Variants in SLC5A4 observed in about 807,000 individuals in gnomAD.
The protein encoded by SLC5A4 is solute carrier family 5 member 4.
In SLC5A4, 55 loss-of-function variants were observed where a neutral mutation model predicts 70.3. The observed-to-expected ratio is 0.78, with a 90% CI of 0.63 to 0.98. SLC5A4 has a LOEUF of 0.98. Ranked by LOEUF, SLC5A4 falls within the 50% of genes least tolerant of loss-of-function variation. SLC5A4 has a pLI of 0.00. For synonymous variants in SLC5A4, 268 were observed against 305.7 expected, an observed-to-expected ratio of 0.88 and a Z score of 1.29; for missense variants, 735 against 839.2, an observed-to-expected ratio of 0.88 and a Z score of 1.53.
intron 13 of SLC5A4, among the ~76,000 whole-genome samples, chr22:32,221,743 T>G (rs79830398): frequency 0.014 from 2,108 of 152,236 alleles, 40 homozygotes; most frequent in African/African-American, 0.044. Context: ...AATGTTTTTT[T>G]TTTGTTTGTT....
chr22:32,248,869 T>A (rs1416615474), intron 3 of SLC5A4, 67 bp from the exon 4 acceptor site: 1 of 1,041,618 alleles, frequency 9.6e-7, no homozygotes, highest in African/African-American at 1.6e-5. Context: ...CTTCTCCTTC[T>A]ATGACCTCTG....
the SLC5A4 span, among the ~76,000 whole-genome samples, chr22:32,344,449 A>G: frequency 1.1e-4 from 16 of 152,286 alleles, no homozygotes; most frequent in Non-Finnish European, 5.9e-5. Context: ...AGATGCAGGA[A>G]AGTATATGTT....
At chr22:32,308,313 C>T in the SLC5A4 span, among the ~76,000 whole-genome samples, 3 of 57,430 alleles carry the variant, frequency 5.2e-5, no homozygotes, top group Non-Finnish European at 8.7e-5. Context: ...AACCCCATGT[C>T]CTTGAATGGC....
chr22:32,349,655 A>G, the SLC5A4 span, among the ~76,000 whole-genome samples: 1 of 152,248 alleles, frequency 6.6e-6, no homozygotes, highest in African/African-American at 2.4e-5. Context: ...AAAAGGCATT[A>G]GAGCTTCTAT....
At chr22:32,334,531 T>C in the SLC5A4 span, among the ~76,000 whole-genome samples, 14 of 152,318 alleles carry the variant, frequency 9.2e-5, no homozygotes, top group South Asian at 1.0e-3. Context: ...TTCCTGCTGG[T>C]TGGCTGCTGT....
rs536448171 is a variant in SLC5A4 at position 32,246,745 on chromosome 22, C to T, written c.477+666G>A. Among the ~76,000 whole-genome samples the T allele has an allele frequency of 5.9e-5, 9 of 152,238 alleles. No homozygotes were observed. In the East Asian group the frequency reaches 1.7e-3, roughly 29 times the overall value. On this transcript the variant is annotated intron_variant, in intron 5 of 14. Coordinates refer to ENST00000266086, the MANE Select transcript of SLC5A4 (RefSeq NM_014227.3). ...GTTTTACCATGTTGGCCAGGCTGGTCTCAAACTCCTGACCTCAAGTGATCC... is the reference window on the plus strand; with the variant it reads ...GTTTTACCATGTTGGCCAGGCTGGTTTCAAACTCCTGACCTCAAGTGATCC...
chr22:32,349,677 A>G, the SLC5A4 span, among the ~76,000 whole-genome samples: 1 of 152,228 alleles, frequency 6.6e-6, no homozygotes, highest in East Asian at 1.9e-4. Context: ...TTTCTTAAGA[A>G]GTATTTGAGA....
the SLC5A4 span, among the ~76,000 whole-genome samples, chr22:32,282,281 C>A: frequency 6.6e-6 from 1 of 152,182 alleles, no homozygotes; most frequent in East Asian, 1.9e-4. Flanking sequence ...CAGCAGTGAC[C>A]CCCAACCCAA....
the SLC5A4 span, among the ~76,000 whole-genome samples, chr22:32,349,894 C>A: frequency 1.3e-5 from 2 of 152,160 alleles, no homozygotes; most frequent in Non-Finnish European, 2.9e-5. Flanking sequence ...CCCATAAAAT[C>A]TCTTTCCTTC....
rs909167333 is a variant in SLC5A4 at position 32,239,102 on chromosome 22, A to G, written c.478-12T>C. 1.2e-6 allele frequency: 2 copies of G among 1,600,328 alleles called. No homozygotes were observed. The highest frequency in any genetic ancestry group is 1.7e-6 in the Non-Finnish European group (2 of 1,167,716). ...GCAAATATGTCTGCCTAAAAAGGGA[A>G]CAGTCAGGATGAGAAAGAAACATGC... On this transcript the variant is annotated splice_polypyrimidine_tract_variant and intron_variant, in intron 5 of 14. Transcript: ENST00000266086.
chr22:32,307,691 G>A, the SLC5A4 span, among the ~76,000 whole-genome samples: 1 of 152,230 alleles, frequency 6.6e-6, no homozygotes, highest in African/African-American at 2.4e-5. Flanking sequence ...TGGTGCTACA[G>A]CAAGGAACTA....
chr22:32,235,838 A>G (rs1926025855), intron 7 of SLC5A4, among the ~76,000 whole-genome samples: 1 of 152,212 alleles, frequency 6.6e-6, no homozygotes, highest in Non-Finnish European at 1.5e-5. Context: ...AATTTACTTC[A>G]TTATTTAGCT....
the SLC5A4 span, chr22:32,272,179 T>G: frequency 6.8e-6 from 5 of 733,368 alleles, no homozygotes; most frequent in Non-Finnish European, 1.3e-5. Flanking sequence ...ACCTGCCTCA[T>G]GCAGGAGGAG....
the SLC5A4 span, among the ~76,000 whole-genome samples, chr22:32,325,318 C>G: frequency 6.6e-6 from 1 of 152,242 alleles, no homozygotes; most frequent in Non-Finnish European, 1.5e-5. Context: ...AGCAGACCCA[C>G]GCTGTGTCAG....
the SLC5A4 span, among the ~76,000 whole-genome samples, chr22:32,274,929 A>ACG: frequency 2.6e-5 from 2 of 75,708 alleles, no homozygotes; most frequent in Non-Finnish European, 6.3e-5. Context: ...AGTTCAACTT[A>ACG]TGAGTCCTTG....
the SLC5A4 span, among the ~76,000 whole-genome samples, chr22:32,263,733 T>C: frequency 6.6e-6 from 1 of 152,178 alleles, no homozygotes; most frequent in African/African-American, 2.4e-5. Context: ...CATTCTACTA[T>C]AAAGACACAT....
chr22:32,320,815 TAGG>T, the SLC5A4 span, among the ~76,000 whole-genome samples: 37 of 152,178 alleles, frequency 2.4e-4, no homozygotes, highest in Admixed American at 2.0e-4. Context: ...CGGCCAAACT[TAGG>T]AGATCAGATG....
At chr22:32,291,420 A>G in the SLC5A4 span, among the ~76,000 whole-genome samples, 73,394 of 151,504 alleles carry the variant, frequency 0.48, 17,886 homozygotes, top group Admixed American at 0.52. Context: ...CTCGTGATCC[A>G]CCCACCTTGG....
the SLC5A4 span, among the ~76,000 whole-genome samples, chr22:32,304,850 G>GTT: frequency 2.7e-4 from 41 of 151,066 alleles, no homozygotes; most frequent in East Asian, 1.8e-3. Context: ...GAGTTCTACA[G>GTT]TTTTTTTTTC....
Sources: allele counts gnomAD v4.1 joint callset (sites outside exome capture counted in the v4.1 genomes callset), GRCh38; gene constraint gnomAD v4.1.1; transcripts MANE v1.5; gene names NCBI Gene and HGNC (gene_info 2026-07-23, HGNC 2026-07-21).